The following CSMD3 variants were observed in gnomAD, a reference collection of about 807,000 sequenced individuals.
CSMD3 encodes CUB and sushi domain-containing protein 3.
CSMD3 carries 177 observed loss-of-function variants against 435.2 expected under a neutral mutation model. That is an observed-to-expected ratio of 0.41 (90% CI 0.36 to 0.46). CSMD3 has a LOEUF of 0.46. CSMD3 is among the 20% of genes least tolerant of loss of function. The pLI is 0.34. For missense variants in CSMD3, 4,265 were observed against 4,504.6 expected, an observed-to-expected ratio of 0.95 and a Z score of 1.52; for synonymous variants, 1,656 against 1,520.5, an observed-to-expected ratio of 1.09 and a Z score of -2.07.
chr8:113,211,290 A>G (rs2092831841), intron 3 of CSMD3, among the ~76,000 whole-genome samples: 1 of 152,170 alleles, frequency 6.6e-6, no homozygotes, highest in African/African-American at 2.4e-5. Context: ...TAACTATACA[A>G]TGGCTAGTTC....
chr8:112,329,461 A>G (rs1259470960), intron 45 of CSMD3, among the ~76,000 whole-genome samples: 1 of 152,136 alleles, frequency 6.6e-6, no homozygotes. Context: ...ATATCCAATC[A>G]TAAAACTGCT....
At chr8:113,007,318 T>C (rs1365823801) in intron 6 of CSMD3, among the ~76,000 whole-genome samples, 2 of 151,950 alleles carry the variant, frequency 1.3e-5, no homozygotes, top group African/African-American at 4.8e-5. Flanking sequence ...AATGTGACCA[T>C]ACTTAGACAA....
At chr8:113,293,039 T>C (rs894848318) in intron 2 of CSMD3, among the ~76,000 whole-genome samples, 9 of 151,976 alleles carry the variant, frequency 5.9e-5, no homozygotes, top group African/African-American at 2.2e-4. Context: ...GATGTTCCAA[T>C]GTTAAATCAT....
At chr8:113,214,106 G>A (rs2092871951) in intron 3 of CSMD3, among the ~76,000 whole-genome samples, 1 of 151,982 alleles carries the variant, frequency 6.6e-6, no homozygotes, top group South Asian at 2.1e-4. Flanking sequence ...AGCCTGGAGA[G>A]GCTACTACTT....
At chr8:112,332,769 A>G (rs1824189769) in intron 45 of CSMD3, among the ~76,000 whole-genome samples, 1 of 152,154 alleles carries the variant, frequency 6.6e-6, no homozygotes, top group Non-Finnish European at 1.5e-5. Context: ...CTATTTGAAA[A>G]ATCTAAAATG....
At chr8:112,539,463 T>C (rs1212311101) in intron 27 of CSMD3, 1 of 152,064 alleles carries the variant, frequency 6.6e-6, no homozygotes, top group African/African-American at 2.4e-5. Context: ...ACTAAAGCAA[T>C]TTGGGAGCAA....
At chr8:113,325,353 G>A (rs1226171824) in intron 1 of CSMD3, among the ~76,000 whole-genome samples, 4 of 152,122 alleles carry the variant, frequency 2.6e-5, no homozygotes, top group Admixed American at 6.5e-5. Context: ...GACCCATGCT[G>A]TTCTCATGAT....
At chr8:112,637,414 A>G (rs2074693169) in intron 21 of CSMD3, among the ~76,000 whole-genome samples, 1 of 152,078 alleles carries the variant, frequency 6.6e-6, no homozygotes, top group Non-Finnish European at 1.5e-5. Flanking sequence ...TTTGCTTAAT[A>G]TTTTACATTT....
chr8:113,031,829 G>A (rs565338857), intron 5 of CSMD3, among the ~76,000 whole-genome samples: 2 of 151,668 alleles, frequency 1.3e-5, no homozygotes, highest in African/African-American at 2.4e-5. Context: ...ATCTTGAATT[G>A]TAATATCCAC....
intron 35 of CSMD3, among the ~76,000 whole-genome samples, chr8:112,394,876 T>C (rs1172189921): frequency 6.6e-6 from 1 of 152,220 alleles, no homozygotes; most frequent in Non-Finnish European, 1.5e-5. Context: ...GTGCTTAGAA[T>C]AGTGTTGGCA....
rs2130077565 is a variant in CSMD3 at position 112,408,979 on chromosome 8, C to T, written c.5449G>A (p.Val1817Met). 4 of 1,613,588 alleles carry T rather than the reference C, an allele frequency of 2.5e-6. No individual in the cohort carries two copies. The highest frequency in any genetic ancestry group is 3.4e-6 in the Non-Finnish European group (4 of 1,179,686). Residue 1817 changes from valine to methionine, a missense_variant, in exon 33 of 71, where the codon GTG becomes ATG. Physicochemically the swap from Val to Met is conservative, Grantham distance 21. Coordinates refer to ENST00000297405, the MANE Select transcript of CSMD3 (RefSeq NM_198123.2). Reference protein sequence around the residue: ...FQTSLHDVVEVYDGPTQQSSL... With the variant: ...FQTSLHDVVEMYDGPTQQSSL... ...GATTGCTGAGTTGGCCCATCATACACCTCAACAACATCGTGGAGTGATGTC... is the reference window on the plus strand; with the variant it reads ...GATTGCTGAGTTGGCCCATCATACATCTCAACAACATCGTGGAGTGATGTC...
intron 31 of CSMD3, among the ~76,000 whole-genome samples, chr8:112,485,389 T>A (rs1157105082): frequency 6.6e-6 from 1 of 152,158 alleles, no homozygotes; most frequent in Non-Finnish European, 1.5e-5. Context: ...TTTATGAATC[T>A]TTTGTCTGCA....
chr8:113,322,295 G>T (rs1049133891), intron 1 of CSMD3, among the ~76,000 whole-genome samples: 3 of 151,954 alleles, frequency 2.0e-5, no homozygotes, highest in Admixed American at 1.3e-4. Context: ...TTCTCATGTT[G>T]TACTGGTTTA....
At chr8:112,552,771 A>T in intron 25 of CSMD3, 51 bp from the exon 26 acceptor site, 1 of 1,549,504 alleles carries the variant, frequency 6.5e-7, no homozygotes. Flanking sequence ...CAATCTTTTC[A>T]AAACAATCTA....
Position 112,310,974 on chromosome 8 carries a change from T to G in CSMD3, c.7885+4A>C, listed in dbSNP as rs766173363. 1 of 1,613,266 alleles carries G rather than the reference T, an allele frequency of 6.2e-7. No individual in the cohort carries two copies. Among genetic ancestry groups the G allele is most frequent in the South Asian group, 1.1e-5 (1 of 91,068 alleles). On this transcript the variant is annotated splice_donor_region_variant and intron_variant, in intron 50 of 70. Transcript: ENST00000297405. ...TTTGTTCATTTTGGCATAATATACT[T>G]CACCTTGACAGGCAGGGACTGGCGC... is the stretch of plus-strand genomic sequence containing the variant.
At chr8:112,541,475 T>A (rs1486989122) in intron 27 of CSMD3, among the ~76,000 whole-genome samples, 1 of 151,786 alleles carries the variant, frequency 6.6e-6, no homozygotes, top group Non-Finnish European at 1.5e-5. Context: ...TGAACAATTA[T>A]ATGATTACAA....
intron 4 of CSMD3, among the ~76,000 whole-genome samples, chr8:113,124,871 T>C (rs2091083369): frequency 6.6e-6 from 1 of 152,050 alleles, no homozygotes. Context: ...TTCTGTTAGA[T>C]ATGTTTTCCT....
chr8:113,072,601 A>C (rs529338069), intron 5 of CSMD3, among the ~76,000 whole-genome samples: 97 of 151,986 alleles, frequency 6.4e-4, no homozygotes, highest in African/African-American at 2.2e-3. Context: ...TGAATTCTAA[A>C]TATCTTCTAC....
At chr8:112,977,342 C>A (rs186606186) in intron 6 of CSMD3, among the ~76,000 whole-genome samples, 1 of 151,870 alleles carries the variant, frequency 6.6e-6, no homozygotes, top group Non-Finnish European at 1.5e-5. Flanking sequence ...CACTTTTCTT[C>A]GCAACATTTC....
Sources: allele counts gnomAD v4.1 joint callset (sites outside exome capture counted in the v4.1 genomes callset), GRCh38; gene constraint gnomAD v4.1.1; transcripts MANE v1.5; gene names NCBI Gene and HGNC (gene_info 2026-07-23, HGNC 2026-07-21).